The following PAAF1 variants were observed in gnomAD, a reference collection of about 807,000 sequenced individuals.
The protein encoded by PAAF1 is proteasomal ATPase-associated factor 1.
Under a neutral mutation model 52.8 loss-of-function variants are expected in PAAF1, and 46 were observed. The observed-to-expected ratio is 0.87, with a 90% confidence interval of 0.69 to 1.11. The LOEUF (loss-of-function observed/expected upper bound fraction) is 1.11, where lower values mean the gene tolerates loss of function less well. PAAF1 is among the 50% of genes most tolerant of loss of function. The pLI, the probability that PAAF1 is intolerant of heterozygous loss-of-function variation, is 0.00. For synonymous variants in PAAF1, 178 were observed against 172.8 expected, an observed-to-expected ratio of 1.03 and a Z score of -0.24; for missense variants, 424 against 477.4, an observed-to-expected ratio of 0.89 and a Z score of 1.04.
intron 7 of PAAF1, among the ~76,000 whole-genome samples, 195 bp from the exon 8 acceptor site, chr11:73,914,218 A>G (rs567208889): frequency 1.3e-5 from 2 of 152,250 alleles, no homozygotes; most frequent in Non-Finnish European, 2.9e-5. Context: ...TTTTAATTGT[A>G]TAGTTCTGTG....
At position 73,895,835 on chromosome 11, in the gene PAAF1, G is replaced by A. The variant is rs117939503; in HGVS notation, c.283-3311G>A. 2.3e-4 allele frequency among the ~76,000 whole-genome samples: 35 copies of A among 152,292 alleles called. No homozygotes were observed. The East Asian group carries it at 5.4e-3, about 23-fold the overall frequency. On this transcript the variant is annotated intron_variant, in intron 4 of 11. Transcript: ENST00000310571. ...AAATTACAAAAGTGAGGCTGGGCGC[G>A]GTGGCTCACGCCTGTGATCCTAGCA...
At chr11:73,897,830 C>T (rs1212683891) in intron 4 of PAAF1, among the ~76,000 whole-genome samples, 1 of 152,108 alleles carries the variant, frequency 6.6e-6, no homozygotes, top group Non-Finnish European at 1.5e-5. Context: ...CCAAGGCAGG[C>T]TGCTGGGAGG....
intron 2 of PAAF1, among the ~76,000 whole-genome samples, chr11:73,883,347 C>T (rs1476006207): frequency 6.6e-6 from 1 of 152,056 alleles, no homozygotes; most frequent in African/African-American, 2.4e-5. Context: ...TTTCTAGTAT[C>T]ACCCCCAAAA....
At chr11:73,927,106 A>G (rs906581142) in intron 11 of PAAF1, among the ~76,000 whole-genome samples, 179 bp from the exon 12 acceptor site, 1 of 152,168 alleles carries the variant, frequency 6.6e-6, no homozygotes, top group Non-Finnish European at 1.5e-5. Flanking sequence ...GGTGATTGGG[A>G]TGCATCCATC....
chr11:73,894,787 G>A (rs1222920603), intron 4 of PAAF1, among the ~76,000 whole-genome samples: 1 of 152,146 alleles, frequency 6.6e-6, no homozygotes, highest in Non-Finnish European at 1.5e-5. Flanking sequence ...TTGCGCCACT[G>A]CACTCCAGCC....
chr11:73,895,405 C>T (rs1949318089), intron 4 of PAAF1, among the ~76,000 whole-genome samples: 2 of 152,182 alleles, frequency 1.3e-5, no homozygotes, highest in African/African-American at 2.4e-5. Flanking sequence ...CCACCTGTAT[C>T]AGGACAGAAC....
rs1950010331 is a variant in PAAF1, at chr11:73,914,446, T to A, written c.761T>A (p.Leu254Gln). ...EREVGTEAKM[L>Q]LLAREDKKLQ... ...GAGGTTGGAACAGAGGCCAAAATGCTGCTCTTGGCCCGGGAAGATAAGAAA... is the reference window on the plus strand; with the variant it reads ...GAGGTTGGAACAGAGGCCAAAATGCAGCTCTTGGCCCGGGAAGATAAGAAA... The change falls in exon 8 of 12, where the codon CTG (leucine) becomes CAG (glutamine). Residue 254 changes from leucine (L) to glutamine (Q), a missense_variant. Leu to Gln is a moderately radical substitution (Grantham distance 113). Coordinates refer to ENST00000310571, the MANE Select transcript of PAAF1 (RefSeq NM_025155.3). The A allele has an allele frequency of 1.2e-6, 2 of 1,614,006 alleles. No homozygotes were observed. The highest frequency in any genetic ancestry group is 1.7e-6 in the Non-Finnish European group (2 of 1,179,994).
intron 8 of PAAF1, among the ~76,000 whole-genome samples, chr11:73,915,984 T>A (rs1950052204): frequency 6.6e-6 from 1 of 152,190 alleles, no homozygotes; most frequent in Non-Finnish European, 1.5e-5. Flanking sequence ...GTTTATTTTG[T>A]TTTTTGCCTT....
intron 11 of PAAF1, among the ~76,000 whole-genome samples, chr11:73,925,174 A>G (rs1451743335): frequency 6.6e-6 from 1 of 150,662 alleles, no homozygotes; most frequent in African/African-American, 2.5e-5. Context: ...AAAAAAAAAA[A>G]ACAAGTGACT....
chr11:73,915,242 T>C (rs1950032216), intron 8 of PAAF1, among the ~76,000 whole-genome samples: 2 of 152,138 alleles, frequency 1.3e-5, no homozygotes, highest in South Asian at 4.1e-4. Flanking sequence ...ATATGTAAAA[T>C]GATGAAGTTG....
chr11:73,926,609 T>A (rs1484306630), intron 11 of PAAF1, among the ~76,000 whole-genome samples: 3 of 152,068 alleles, frequency 2.0e-5, no homozygotes, highest in African/African-American at 4.8e-5. Flanking sequence ...CTTGGGAGGC[T>A]GAGGCAGGAG....
rs1157984685 is a variant in PAAF1, at chr11:73,918,352, ATTTTTTTTTTT to A, written c.936-577_936-567del. ...TTTCTTCCATCATTTCAGTTACTTA[ATTTTTTTTTTT>A]TTTTTTTTTTTTTTTTTTTTGCCTC... On this transcript the variant is annotated intron_variant, in intron 9 of 11. Transcript: ENST00000310571. Among the ~76,000 whole-genome samples, 66 of 71,738 alleles carry A rather than the reference ATTTTTTTTTTT, an allele frequency of 9.2e-4. No individual in the cohort carries two copies. The East Asian group carries it at 0.023, about 25-fold the overall frequency. The allele number at this position is 71,738 out of a possible 152,430, so 47.1% of individuals were successfully genotyped here.
chr11:73,900,806 C>T (rs998407667), intron 6 of PAAF1, among the ~76,000 whole-genome samples: 2 of 151,596 alleles, frequency 1.3e-5, no homozygotes, highest in African/African-American at 4.8e-5. Context: ...AACGGTGAAA[C>T]CCCGTCTCTA....
chr11:73,908,549 C>CTCG (rs1949840689), intron 6 of PAAF1, among the ~76,000 whole-genome samples: 6 of 151,412 alleles, frequency 4.0e-5, no homozygotes, highest in Admixed American at 4.0e-4. Flanking sequence ...GGATTACAGG[C>CTCG]ACGAGCCACC....
intron 8 of PAAF1, among the ~76,000 whole-genome samples, chr11:73,914,948 G>A (rs182507482): frequency 1.0e-3 from 155 of 152,102 alleles, no homozygotes; most frequent in Middle Eastern, 3.4e-3. Context: ...CAAGTGATCC[G>A]CCTGCCTCAA....
At chr11:73,918,482 T>A (rs1333077320) in intron 9 of PAAF1, among the ~76,000 whole-genome samples, 1 of 149,782 alleles carries the variant, frequency 6.7e-6, no homozygotes, top group Non-Finnish European at 1.5e-5. Context: ...CTTTTTTTTT[T>A]TTATTTTTTT....
At chr11:73,916,493 T>G in intron 8 of PAAF1, 52 bp from the exon 9 acceptor site, 2 of 1,258,888 alleles carry the variant, frequency 1.6e-6, no homozygotes, top group East Asian at 5.0e-5. Context: ...CTGTTTATTC[T>G]TGGAAACAAA....
intron 9 of PAAF1, among the ~76,000 whole-genome samples, chr11:73,917,240 C>G (rs1369609398): frequency 6.6e-6 from 1 of 151,994 alleles, no homozygotes; most frequent in African/African-American, 2.4e-5. Flanking sequence ...AGGCTGATCT[C>G]GAATTCCTGA....
intron 6 of PAAF1, among the ~76,000 whole-genome samples, chr11:73,903,136 T>A (rs1212876329): frequency 6.6e-6 from 1 of 152,174 alleles, no homozygotes; most frequent in Non-Finnish European, 1.5e-5. Context: ...AGAAGGGAGT[T>A]TTTAGTAGAT....
Sources: allele counts gnomAD v4.1 joint callset (sites outside exome capture counted in the v4.1 genomes callset), GRCh38; gene constraint gnomAD v4.1.1; transcripts MANE v1.5; gene names NCBI Gene and HGNC (gene_info 2026-07-23, HGNC 2026-07-21).